CCAR1: variants seen among roughly 807,000 people sequenced by gnomAD.
CCAR1 encodes cell division cycle and apoptosis regulator protein 1.
Under a neutral mutation model 163.8 loss-of-function variants are expected in CCAR1, and 78 were observed. The observed-to-expected ratio is 0.48, with a 90% CI of 0.40 to 0.57. The LOEUF is 0.57. Ranked by LOEUF, CCAR1 falls within the 20% of genes least tolerant of loss-of-function variation. The pLI is 0.00. For missense variants in CCAR1, 1,019 were observed against 1,365.2 expected (o/e 0.75, Z 4.00); for synonymous variants, 443 against 460.7 (o/e 0.96, Z 0.49).
Position 68,744,574 on chromosome 10 carries a change from T to C in CCAR1, c.518+2005T>C, listed in dbSNP as rs2056227653. Among the ~76,000 whole-genome samples the C allele has an allele frequency of 2.6e-5, 4 of 152,340 alleles. No homozygotes were observed. The East Asian group carries it at 7.7e-4, about 29-fold the overall frequency. On this transcript the variant is annotated intron_variant, in intron 6 of 24. Transcript: ENST00000265872. ...CTTTTCCATATTTAAATTAGTACTT[T>C]TATAGCTTTGTAGTGTTTGTAGGAA...
chr10:68,759,880 G>A (rs573330690), intron 15 of CCAR1, among the ~76,000 whole-genome samples: 103 of 152,190 alleles, frequency 6.8e-4, no homozygotes, highest in African/African-American at 2.2e-3. Context: ...TTTTTAAAGG[G>A]ACAGAGTGCA....
chr10:68,778,771 C>T lies in CCAR1; in HGVS notation c.2650+5672C>T, dbSNP rs562380174. On this transcript the variant is annotated intron_variant, in intron 19 of 24. Coordinates refer to ENST00000265872, the MANE Select transcript of CCAR1 (RefSeq NM_018237.4). ...TTTTTGTTTGTTTCCCTGGAGTTTC[C>T]AATTGCTGCTTGCTTCTGTTTTACC... Among the ~76,000 whole-genome samples, 4 of 152,124 alleles carry T rather than the reference C, an allele frequency of 2.6e-5. No individual in the cohort carries two copies. The South Asian group carries it at 8.3e-4, about 32-fold the overall frequency.
At chr10:68,732,954 A>G (rs2056060675) in intron 2 of CCAR1, among the ~76,000 whole-genome samples, 1 of 152,104 alleles carries the variant, frequency 6.6e-6, no homozygotes, top group Non-Finnish European at 1.5e-5. Context: ...TGTGCCCTAC[A>G]TTTTGATGCA....
In CCAR1 at chr10:68,736,912, C is replaced by T. The variant is rs2133322670; in HGVS notation, c.110C>T (p.Ala37Val). The change falls in exon 3 of 25, where the codon GCA becomes GTA. Residue 37 changes from alanine to valine, a missense_variant. By Grantham distance (64) the Ala-to-Val change is moderately conservative. This residue lies in a region of CCAR1 where 644 missense variants were observed against 904.4 expected (regional missense o/e 0.71). Transcript: ENST00000265872. ...GTTCAACAGCCATCACTCCTTGGAG[C>T]ATCTCCTACCATTTATACACAGCAA... ...LGVQQPSLLG[A>V]SPTIYTQQTA... The T allele has an allele frequency of 1.2e-6, 2 of 1,613,974 alleles. No homozygotes were observed. Among genetic ancestry groups the T allele is most frequent in the Non-Finnish European group, 1.7e-6 (2 of 1,179,928 alleles).
At chr10:68,746,583 TTTTA>T (rs1341951296) in intron 6 of CCAR1, among the ~76,000 whole-genome samples, 1 of 152,050 alleles carries the variant, frequency 6.6e-6, no homozygotes, top group East Asian at 1.9e-4. Context: ...TGTTATTTTA[TTTTA>T]TTTATTTATT....
intron 8 of CCAR1, among the ~76,000 whole-genome samples, chr10:68,748,638 C>T (rs1453881375): frequency 4.0e-5 from 6 of 151,630 alleles, no homozygotes; most frequent in Admixed American, 6.6e-5. Context: ...TACAGGTGCG[C>T]GCCACCCCGC....
At chr10:68,723,765 G>A (rs997244378) in intron 2 of CCAR1, among the ~76,000 whole-genome samples, 1 of 151,502 alleles carries the variant, frequency 6.6e-6, no homozygotes, top group East Asian at 2.0e-4. Flanking sequence ...GGAGAATGGC[G>A]TGAACCCAGG....
At position 68,780,594 on chromosome 10, in the gene CCAR1, G is replaced by T. The variant is rs186867812; in HGVS notation, c.2651-5542G>T. The stretch of plus-strand genomic sequence containing the variant: ...TTTATAGGCATGCTTTGTTTTTTTT[G>T]CACTGCACTTTATTGTGCGCCAAAG... On this transcript the variant is annotated intron_variant, in intron 19 of 24. Transcript: ENST00000265872. Among the ~76,000 whole-genome samples the T allele has an allele frequency of 4.4e-3, 664 of 151,450 alleles. 3 individuals are homozygous for T. The highest frequency in any genetic ancestry group is 0.01 in the South Asian group (50 of 4,810).
rs182594742 is a variant in CCAR1, at chr10:68,751,925, T to G, written c.1119-1927T>G. Among the ~76,000 whole-genome samples the G allele has an allele frequency of 5.2e-3, 777 of 148,734 alleles. 14 individuals carry two copies. Among genetic ancestry groups the G allele is most frequent in the African/African-American group, 0.018 (716 of 40,542 alleles). On this transcript the variant is annotated intron_variant, in intron 10 of 24. Transcript: ENST00000265872. ...CAGTTTAGTTTTTTGTTTTTGTTTT[T>G]TTTTTTTTTGAGATGGAGTCTTGCT... is the stretch of plus-strand genomic sequence containing the variant.
Position 68,791,308 on chromosome 10 carries a change from A to C in CCAR1, c.*42A>C. 1 of 1,297,582 alleles carries C rather than the reference A, an allele frequency of 7.7e-7. No homozygotes were observed. The highest frequency in any genetic ancestry group is 1.1e-6 in the Non-Finnish European group (1 of 922,550). The allele number at this position is 1,297,582 out of a possible 1,614,324, so 80.4% of individuals were successfully genotyped here. On this transcript the variant is annotated 3_prime_UTR_variant, in exon 25 of 25. Transcript: ENST00000265872. The stretch of plus-strand genomic sequence containing the variant: ...ATGAGGAATGGTGTTAAATAATGTA[A>C]TATATAAAAATCATGATATAAGAAT...
chr10:68,737,177 G>A (rs1299736644), intron 3 of CCAR1, 129 bp downstream of exon 3: 2 of 695,814 alleles, frequency 2.9e-6, no homozygotes, highest in East Asian at 2.7e-5. Context: ...TCTTTTTCTG[G>A]TGATGAATAT....
At chr10:68,744,321 A>G (rs1466046479) in intron 6 of CCAR1, among the ~76,000 whole-genome samples, 2 of 152,198 alleles carry the variant, frequency 1.3e-5, no homozygotes, top group African/African-American at 2.4e-5. Flanking sequence ...ATGACGTAGC[A>G]TAGATTTTAA....
At position 68,755,544 on chromosome 10, in the gene CCAR1, C is replaced by T; in HGVS notation, c.1625+8C>T. The stretch of plus-strand genomic sequence containing the variant: ...AAGTGTGTGCACACAATGGTAAGTA[C>T]TAATTCATTTCTTGATTAGAAGTGT... On this transcript the variant is annotated splice_region_variant and intron_variant, in intron 13 of 24. Transcript: ENST00000265872. 6.2e-7 allele frequency: 1 copy of T among 1,602,316 alleles called. No individual in the cohort carries two copies. The highest frequency in any genetic ancestry group is 8.5e-7 in the Non-Finnish European group (1 of 1,172,592).
Position 68,788,213 on chromosome 10 carries a change from C to T in CCAR1, c.3072C>T (p.Leu1024=), listed in dbSNP as rs140866671. The T allele has an allele frequency of 8.1e-6, 13 of 1,600,584 alleles. No individual in the cohort carries two copies. Among genetic ancestry groups the T allele is most frequent in the Non-Finnish European group, 1.1e-5 (13 of 1,175,418 alleles). Residue 1024 remains leucine, a synonymous_variant, in exon 23 of 25, where the codon CTC becomes CTT. Transcript: ENST00000265872. ...AGGATGTGGAAGAAAATGTTGGCCT[C>T]ATTGTGTACAATGGTGCAATGGTAG... ...ESKDVEENVG[L]IVYNGAMVDV...
chr10:68,754,580 G>C lies in CCAR1; in HGVS notation c.1345-134G>C, dbSNP rs2056376152. ...TTGGGAGGCTGAGGTATCTAATACT[G>C]TTTCTGCTATAGTATTACTTCCTAT... On this transcript the variant is annotated intron_variant, in intron 11 of 24. Coordinates refer to ENST00000265872, the MANE Select transcript of CCAR1 (RefSeq NM_018237.4). The C allele has an allele frequency of 1.7e-5, 10 of 572,522 alleles. No homozygotes were observed. The South Asian group carries it at 2.5e-4, about 14-fold the overall frequency. The allele number at this position is 572,522 out of a possible 1,614,324, so 35.5% of individuals were successfully genotyped here.
intron 2 of CCAR1, among the ~76,000 whole-genome samples, chr10:68,734,609 C>T (rs748073900): frequency 6.6e-5 from 10 of 152,004 alleles, no homozygotes; most frequent in African/African-American, 2.2e-4. Flanking sequence ...AAGTGATTCT[C>T]GTGCCTCAGC....
At chr10:68,775,941 C>T (rs977943962) in intron 19 of CCAR1, among the ~76,000 whole-genome samples, 13 of 151,938 alleles carry the variant, frequency 8.6e-5, no homozygotes, top group African/African-American at 2.9e-4. Flanking sequence ...GTGGTCCTCC[C>T]GTCTTGGCCT....
chr10:68,771,122 C>A, intron 17 of CCAR1, 84 bp from the exon 18 acceptor site: 1 of 1,197,314 alleles, frequency 8.4e-7, no homozygotes. Flanking sequence ...TTGTATGTGG[C>A]AAGTTTTTAT....
At chr10:68,790,940 C>A (rs906161744) in intron 24 of CCAR1, among the ~76,000 whole-genome samples, 2 of 151,386 alleles carry the variant, frequency 1.3e-5, no homozygotes, top group African/African-American at 4.9e-5. Flanking sequence ...CTAAGCAGCC[C>A]ACCTATCTTG....
Sources: allele counts gnomAD v4.1 joint callset (sites outside exome capture counted in the v4.1 genomes callset), GRCh38; gene constraint gnomAD v4.1.1; regional missense constraint gnomAD v4.1.1; transcripts MANE v1.5; gene names NCBI Gene and HGNC (gene_info 2026-07-23, HGNC 2026-07-21).